Variants in SORCS1 observed in about 807,000 individuals in gnomAD.
SORCS1 encodes the protein sortilin related VPS10 domain containing receptor 1, also known as VPS10 domain-containing receptor SorCS1.
Under a neutral mutation model 146.1 loss-of-function variants are expected in SORCS1, and 60 were observed. The ratio of observed to expected loss-of-function variants is 0.41; its 90% CI spans 0.33 to 0.51. The LOEUF is 0.51. SORCS1 is among the 20% of genes least tolerant of loss of function. SORCS1 has a pLI of 0.21. For synonymous variants in SORCS1, 637 were observed against 584.0 expected, an observed-to-expected ratio of 1.09 and a Z score of -1.31; for missense variants, 1,352 against 1,487.6, an observed-to-expected ratio of 0.91 and a Z score of 1.50.
chr10:106,595,727 C>T (rs1845867688), intron 24 of SORCS1, among the ~76,000 whole-genome samples: 1 of 152,154 alleles, frequency 6.6e-6, no homozygotes, highest in South Asian at 2.1e-4. Flanking sequence ...GCAATAGCTA[C>T]TTTTTGTCCT....
chr10:106,778,107 A>G (rs1860600803), intron 3 of SORCS1, among the ~76,000 whole-genome samples: 1 of 152,166 alleles, frequency 6.6e-6, no homozygotes, highest in African/African-American at 2.4e-5. Flanking sequence ...AGTTAGTGTC[A>G]TCTTTGAAAG....
At chr10:106,886,415 ATTAGTAATTC>A (rs1951005951) in intron 2 of SORCS1, among the ~76,000 whole-genome samples, 3 of 151,692 alleles carry the variant, frequency 2.0e-5, no homozygotes, top group Admixed American at 6.6e-5. Flanking sequence ...TCTTCCAGAA[ATTAGTAATTC>A]TTAGTAATTC....
intron 2 of SORCS1, among the ~76,000 whole-genome samples, chr10:106,869,306 A>T (rs1365072945): frequency 6.6e-6 from 1 of 152,188 alleles, no homozygotes; most frequent in African/African-American, 2.4e-5. Context: ...TCTCCAGAAA[A>T]CTGAAGAGAA....
intron 2 of SORCS1, among the ~76,000 whole-genome samples, chr10:106,941,026 C>A (rs1438965064): frequency 2.6e-5 from 4 of 152,194 alleles, no homozygotes; most frequent in African/African-American, 4.8e-5. Context: ...TGCTTAGTAT[C>A]TTTATGACCC....
the SORCS1 span, among the ~76,000 whole-genome samples, chr10:107,179,244 T>C: frequency 1.3e-5 from 2 of 152,224 alleles, no homozygotes; most frequent in East Asian, 3.9e-4. Context: ...ATATACCTGT[T>C]GGTATTTTGA....
chr10:106,987,071 ATCTTT>A (rs1956511586), intron 1 of SORCS1, among the ~76,000 whole-genome samples: 1 of 152,146 alleles, frequency 6.6e-6, no homozygotes, highest in Admixed American at 6.6e-5. Flanking sequence ...AGGGAACTGG[ATCTTT>A]TCTTCTTCTG....
At chr10:106,905,976 A>G (rs892088889) in intron 2 of SORCS1, among the ~76,000 whole-genome samples, 1 of 152,130 alleles carries the variant, frequency 6.6e-6, no homozygotes, top group African/African-American at 2.4e-5. Flanking sequence ...CTATCCTCTC[A>G]TAACTCAATC....
chr10:106,586,809 A>C (rs530514686), intron 24 of SORCS1, among the ~76,000 whole-genome samples: 1 of 152,178 alleles, frequency 6.6e-6, no homozygotes, highest in Non-Finnish European at 1.5e-5. Flanking sequence ...TAAAAATATT[A>C]ATTGGATGTG....
chr10:106,891,233 T>C (rs967438507), intron 2 of SORCS1, among the ~76,000 whole-genome samples: 6 of 152,220 alleles, frequency 3.9e-5, no homozygotes, highest in Non-Finnish European at 8.8e-5. Flanking sequence ...AAGCTGATGA[T>C]TGGTCTGGAG....
Position 107,164,055 on chromosome 10 carries a change from G to A in SORCS1, c.472C>T (p.Leu158=), listed in dbSNP as rs781314932. 1 of 1,614,010 alleles carries A rather than the reference G, an allele frequency of 6.2e-7. No homozygotes were observed. Among genetic ancestry groups the A allele is most frequent in the East Asian group, 2.2e-5 (1 of 44,858 alleles). ...GCAAACGTGGTGCTGGTCAGTCTCA[G>A]CTCCTCCATCCGGAAGCGGGTGGCT... ...DKATRFRMEE[L]RLTSTTFALT... is the part of the protein sequence containing the mutation. Residue 158 remains leucine (L), a synonymous_variant, in exon 1 of 26, where the codon CTG becomes TTG. Transcript: ENST00000263054. The surrounding 1 kb of genome is among the most constrained non-coding windows in gnomAD (Gnocchi z 6.8).
At chr10:106,595,293 A>G (rs977240469) in intron 24 of SORCS1, among the ~76,000 whole-genome samples, 5 of 152,160 alleles carry the variant, frequency 3.3e-5, no homozygotes, top group Admixed American at 2.0e-4. Context: ...GTAGGCAGGC[A>G]CTCGGTAAAT....
intron 2 of SORCS1, among the ~76,000 whole-genome samples, chr10:106,905,047 T>C (rs1018443460): frequency 2.0e-5 from 3 of 151,902 alleles, no homozygotes; most frequent in Admixed American, 6.5e-5. Context: ...TTAAATACTT[T>C]CATAATAAAG....
At chr10:106,671,194 T>C in intron 16 of SORCS1, 43 bp downstream of exon 16, 3 of 1,612,512 alleles carry the variant, frequency 1.9e-6, no homozygotes, top group South Asian at 1.1e-5. Context: ...CCATGTGGAT[T>C]TGATACACCA....
intron 2 of SORCS1, among the ~76,000 whole-genome samples, chr10:106,911,282 G>A (rs1213172575): frequency 6.6e-6 from 1 of 152,214 alleles, no homozygotes; most frequent in African/African-American, 2.4e-5. Context: ...AAGCTCCCTG[G>A]TTGATGTGTC....
At chr10:106,684,758 C>T (rs1445331696) in intron 10 of SORCS1, among the ~76,000 whole-genome samples, 1 of 152,222 alleles carries the variant, frequency 6.6e-6, no homozygotes, top group African/African-American at 2.4e-5. Flanking sequence ...TTCAGTGACA[C>T]TGTCACTTTC....
intron 2 of SORCS1, among the ~76,000 whole-genome samples, chr10:106,878,713 C>T (rs1184799224): frequency 6.9e-6 from 1 of 145,394 alleles, no homozygotes; most frequent in East Asian, 2.0e-4. Context: ...TTTTATATGT[C>T]CCTCTGGGTT....
intron 1 of SORCS1, among the ~76,000 whole-genome samples, chr10:107,053,946 C>T (rs1346417053): frequency 2.0e-5 from 3 of 152,074 alleles, no homozygotes; most frequent in Admixed American, 6.6e-5. Flanking sequence ...TAGTTTTGAA[C>T]CTTTATTGCA....
upstream of SORCS1, among the ~76,000 whole-genome samples, chr10:107,168,894 T>C (rs2134979706): frequency 6.6e-6 from 1 of 152,302 alleles, no homozygotes; most frequent in Non-Finnish European, 1.5e-5. Flanking sequence ...TTTCTATGTG[T>C]CAGGCACTCT....
chr10:106,607,061 C>T, intron 23 of SORCS1, 105 bp downstream of exon 23: 2 of 1,458,720 alleles, frequency 1.4e-6, no homozygotes, highest in Non-Finnish European at 1.9e-6. Flanking sequence ...TTTGGTGAAG[C>T]TGTAGTTAGG....
Sources: allele counts gnomAD v4.1 joint callset (sites outside exome capture counted in the v4.1 genomes callset), GRCh38; gene constraint gnomAD v4.1.1; non-coding constraint Gnocchi (gnomAD v3.1); transcripts MANE v1.5; gene names NCBI Gene and HGNC (gene_info 2026-07-23, HGNC 2026-07-21).